The following SYNE1 variants were observed in gnomAD, a reference collection of about 807,000 sequenced individuals.
The protein encoded by SYNE1 is nesprin-1.
Under a neutral mutation model 1,111.0 loss-of-function variants are expected in SYNE1, and 616 were observed. The observed-to-expected ratio is 0.55, with a 90% CI of 0.52 to 0.59. SYNE1 has a LOEUF of 0.59. Ranked by LOEUF, SYNE1 falls within the 20% of genes least tolerant of loss-of-function variation. The probability of loss-of-function intolerance (pLI) is 0.00; values close to 1 mark genes in which losing one functional copy is unlikely to be tolerated. For synonymous variants in SYNE1, 3,855 were observed against 3,825.8 expected, an observed-to-expected ratio of 1.01 and a Z score of -0.28; for missense variants, 10,006 against 10,417.0, an observed-to-expected ratio of 0.96 and a Z score of 1.72.
intron 145 of SYNE1, among the ~76,000 whole-genome samples, chr6:152,123,885 C>A (rs1340278061): frequency 1.3e-5 from 2 of 152,150 alleles, no homozygotes; most frequent in Admixed American, 6.5e-5. Context: ...TCACCTATTA[C>A]CTATTAATTT....
chr6:152,554,514 C>G (rs1221777971), intron 3 of SYNE1, among the ~76,000 whole-genome samples: 2 of 152,202 alleles, frequency 1.3e-5, no homozygotes, highest in Non-Finnish European at 2.9e-5. Context: ...TTTCTTGAGG[C>G]AGCCAATCAT....
At chr6:152,271,431 T>A (rs1454982518) in intron 98 of SYNE1, among the ~76,000 whole-genome samples, 1 of 152,210 alleles carries the variant, frequency 6.6e-6, no homozygotes, top group Non-Finnish European at 1.5e-5. Context: ...AGCCAGAGAT[T>A]GCAGTTTAGG....
intron 93 of SYNE1, among the ~76,000 whole-genome samples, chr6:152,294,626 T>C (rs6941299): frequency 0.077 from 11,659 of 152,188 alleles, 1,453 homozygotes; most frequent in African/African-American, 0.26. Context: ...AATTTAAATA[T>C]TTTGATATTA....
At chr6:152,582,299 CT>C (rs2099522806) in intron 3 of SYNE1, among the ~76,000 whole-genome samples, 1 of 152,088 alleles carries the variant, frequency 6.6e-6, no homozygotes, top group South Asian at 2.1e-4. Context: ...TTCTCTTTCC[CT>C]TCTCTGTAGC....
Position 152,342,585 on chromosome 6 carries a change from G to C in SYNE1, c.12225+1496C>G, listed in dbSNP as rs369874777. Among the ~76,000 whole-genome samples, 19 of 152,206 alleles carry C rather than the reference G, an allele frequency of 1.2e-4. No individual in the cohort carries two copies. The East Asian group carries it at 3.5e-3, about 28-fold the overall frequency. On this transcript the variant is annotated intron_variant, in intron 74 of 145. Transcript: ENST00000367255. ...ATTAACTAGACACATTCTTTATGTGGACTCAGTGATCAAATACATTATGCT... is the reference window on the plus strand; with the variant it reads ...ATTAACTAGACACATTCTTTATGTGCACTCAGTGATCAAATACATTATGCT...
chr6:152,141,758 A>G (rs1261704211), intron 138 of SYNE1, among the ~76,000 whole-genome samples: 2 of 151,948 alleles, frequency 1.3e-5, no homozygotes, highest in Non-Finnish European at 2.9e-5. Flanking sequence ...CAGTCTCAAA[A>G]AAAAGAAAAA....
At chr6:152,308,059 C>T (rs2095432915) in intron 91 of SYNE1, among the ~76,000 whole-genome samples, 1 of 152,046 alleles carries the variant, frequency 6.6e-6, no homozygotes. Flanking sequence ...TCTCCATCTC[C>T]TGACCTCATG....
chr6:152,277,842 G>A (rs550852038), intron 98 of SYNE1: 1 of 553,970 alleles, frequency 1.8e-6, no homozygotes, highest in South Asian at 1.9e-5. Flanking sequence ...TTTCATGTCA[G>A]AGTGCTTTTT....
intron 58 of SYNE1, among the ~76,000 whole-genome samples, chr6:152,374,448 G>A (rs2097245189): frequency 6.6e-6 from 1 of 152,184 alleles, no homozygotes; most frequent in Non-Finnish European, 1.5e-5. Flanking sequence ...GCTGTGGTGG[G>A]AGGGTCAGAG....
chr6:152,381,851 C>A (rs947968481), intron 55 of SYNE1, among the ~76,000 whole-genome samples: 2 of 152,126 alleles, frequency 1.3e-5, no homozygotes, highest in Non-Finnish European at 2.9e-5. Context: ...CTCATCACAG[C>A]AAAAGAATGA....
chr6:152,374,757 G>C (rs2097251456), intron 58 of SYNE1, among the ~76,000 whole-genome samples: 1 of 149,224 alleles, frequency 6.7e-6, no homozygotes, highest in African/African-American at 2.5e-5. Flanking sequence ...CTGGGTGACA[G>C]AGTAAACACT....
In SYNE1 at chr6:152,241,574, T is replaced by C. The variant is rs2085722781; in HGVS notation, c.19893+666A>G. 3.4e-5 allele frequency among the ~76,000 whole-genome samples: 5 copies of C among 147,918 alleles called. No homozygotes were observed. The South Asian group carries it at 1.1e-3, about 31-fold the overall frequency. On this transcript the variant is annotated intron_variant, in intron 107 of 145. Coordinates refer to ENST00000367255, the MANE Select transcript of SYNE1 (RefSeq NM_182961.4). ...CATGGAGTAGTGTCCAACCTGAGCT[T>C]GGCTGTGGCACACAATGATGGAGTG...
intron 13 of SYNE1, among the ~76,000 whole-genome samples, chr6:152,483,564 C>CT (rs1253638007): frequency 6.6e-6 from 1 of 152,072 alleles, no homozygotes; most frequent in African/African-American, 2.4e-5. Context: ...GTGGCTTTTG[C>CT]TGAAAGGGAA....
At chr6:152,553,396 G>A (rs903454566) in intron 3 of SYNE1, among the ~76,000 whole-genome samples, 5 of 152,102 alleles carry the variant, frequency 3.3e-5, no homozygotes, top group Non-Finnish European at 7.4e-5. Context: ...GGGTATCTCA[G>A]CAAGCAAGTG....
intron 14 of SYNE1, among the ~76,000 whole-genome samples, chr6:152,474,435 T>C (rs2098823952): frequency 6.6e-6 from 1 of 152,146 alleles, no homozygotes; most frequent in Non-Finnish European, 1.5e-5. Flanking sequence ...TCTACACCAC[T>C]GCTGAGAGAG....
At chr6:152,361,501 G>A (rs2096929865) in intron 64 of SYNE1, among the ~76,000 whole-genome samples, 1 of 152,218 alleles carries the variant, frequency 6.6e-6, no homozygotes, top group Admixed American at 6.5e-5. Flanking sequence ...GAGAAAGAAG[G>A]CACTGAGAAT....
chr6:152,124,857 G>T (rs924996026), intron 145 of SYNE1, among the ~76,000 whole-genome samples: 7 of 152,188 alleles, frequency 4.6e-5, no homozygotes, highest in African/African-American at 1.7e-4. Context: ...TCCTAATTTT[G>T]TAGGGGAGTA....
intron 66 of SYNE1, among the ~76,000 whole-genome samples, chr6:152,356,129 T>G (rs1019841785): frequency 2.6e-5 from 4 of 152,080 alleles, no homozygotes; most frequent in African/African-American, 7.2e-5. Context: ...AAAGGCCTGA[T>G]AGTAAATAAT....
chr6:152,313,673 A>G (rs1265027185), intron 87 of SYNE1, among the ~76,000 whole-genome samples: 1 of 152,106 alleles, frequency 6.6e-6, no homozygotes, highest in East Asian at 1.9e-4. Context: ...TATGTTGGCC[A>G]GGCTGGTCTC....
Sources: gnomAD v4.1 joint callset for allele counts (sites outside exome capture counted in the v4.1 genomes callset) on GRCh38, gnomAD v4.1.1 for gene constraint, MANE v1.5 for transcripts, NCBI Gene and HGNC (gene_info 2026-07-23, HGNC 2026-07-21) for gene names.